SHANK2: variants seen among roughly 807,000 people sequenced by gnomAD.
SHANK2 encodes the protein SH3 and multiple ankyrin repeat domains protein 2.
A neutral mutation model predicts 133.7 loss-of-function variants in SHANK2; 43 were observed. The ratio of observed to expected loss-of-function variants is 0.32; its 90% CI spans 0.25 to 0.41. The LOEUF is 0.41. SHANK2 is among the 10% of genes least tolerant of loss of function. The pLI is 1.00. For synonymous variants in SHANK2, 1,017 were observed against 952.8 expected (o/e 1.07, Z -1.24); for missense variants, 1,994 against 2,235.8 (o/e 0.89, Z 2.18).
At chr11:71,197,152 G>C (rs1358076860) in intron 2 of SHANK2, among the ~76,000 whole-genome samples, 1 of 152,188 alleles carries the variant, frequency 6.6e-6, no homozygotes, top group African/African-American at 2.4e-5. Context: ...TGTCCTGGGA[G>C]TCAAAGCAGA....
At chr11:70,849,403 G>A (rs1448922858) in intron 11 of SHANK2, among the ~76,000 whole-genome samples, 1 of 152,148 alleles carries the variant, frequency 6.6e-6, no homozygotes, top group African/African-American at 2.4e-5. Flanking sequence ...TTCTGTCTAC[G>A]GGTGCACAAA....
At chr11:70,530,127 C>T (rs367757179) in intron 17 of SHANK2, among the ~76,000 whole-genome samples, 16 of 152,310 alleles carry the variant, frequency 1.1e-4, no homozygotes, top group African/African-American at 3.1e-4. Flanking sequence ...GCAGCGTCAT[C>T]GCAATAACCA....
intron 2 of SHANK2, among the ~76,000 whole-genome samples, chr11:71,166,693 G>A (rs1953158345): frequency 6.6e-6 from 1 of 151,552 alleles, no homozygotes; most frequent in South Asian, 2.1e-4. Flanking sequence ...ATGTTGGCCA[G>A]GCTGGTTATG....
chr11:70,815,237 C>T (rs947273945), intron 12 of SHANK2, among the ~76,000 whole-genome samples: 5 of 124,146 alleles, frequency 4.0e-5, no homozygotes, highest in Admixed American at 8.5e-5. Flanking sequence ...CACACACACA[C>T]GAAAATGAGA....
chr11:70,550,981 A>G (rs11236606), intron 17 of SHANK2, among the ~76,000 whole-genome samples: 120,388 of 151,888 alleles, frequency 0.79, 48,131 homozygotes, highest in Middle Eastern at 0.89. Flanking sequence ...AACGCTCTCC[A>G]GGAAGGTCCA....
At chr11:70,910,246 C>T (rs1009246928) in intron 10 of SHANK2, among the ~76,000 whole-genome samples, 1 of 152,214 alleles carries the variant, frequency 6.6e-6, no homozygotes, top group South Asian at 2.1e-4. Flanking sequence ...CAACCCAGAA[C>T]AACTTGCTTA....
In SHANK2 at chr11:71,125,683, T is replaced by A. The variant is rs1436063514; in HGVS notation, c.208-6651A>T. On this transcript the variant is annotated intron_variant, in intron 3 of 25. Transcript: ENST00000601538. ...AAGCTGCAGCAAGTTCTCCAGAAGA[T>A]CTCGCTCAGATCATTGATGAAGGCG... is the stretch of plus-strand genomic sequence containing the variant. Among the ~76,000 whole-genome samples, 3 of 152,198 alleles carry A rather than the reference T, an allele frequency of 2.0e-5. No homozygotes were observed. In the East Asian group the frequency reaches 5.8e-4, roughly 29 times the overall value.
intron 10 of SHANK2, among the ~76,000 whole-genome samples, chr11:71,055,921 A>C (rs1187222617): frequency 1.3e-5 from 2 of 151,458 alleles, no homozygotes; most frequent in African/African-American, 4.9e-5. Context: ...ATGCCACCAA[A>C]GTGTACACTT....
intron 14 of SHANK2, among the ~76,000 whole-genome samples, chr11:70,767,554 A>G (rs1157079357): frequency 2.6e-5 from 4 of 152,198 alleles, no homozygotes; most frequent in Non-Finnish European, 4.4e-5. Context: ...CCACAACGCC[A>G]CAATGTGGAC....
intron 10 of SHANK2, among the ~76,000 whole-genome samples, chr11:70,909,388 A>G (rs781756014): frequency 7.4e-4 from 112 of 152,176 alleles, no homozygotes; most frequent in Non-Finnish European, 1.4e-3. Context: ...GGGATTACAG[A>G]TGTTGCTAGG....
chr11:70,491,943 A>G (rs1374410467), intron 22 of SHANK2, among the ~76,000 whole-genome samples: 1 of 152,196 alleles, frequency 6.6e-6, no homozygotes, highest in South Asian at 2.1e-4. Flanking sequence ...GGACTGCCAC[A>G]TGGGATGTGG....
chr11:70,579,688 G>A (rs1450568147), intron 17 of SHANK2, among the ~76,000 whole-genome samples: 1 of 152,250 alleles, frequency 6.6e-6, no homozygotes, highest in Non-Finnish European at 1.5e-5. Flanking sequence ...GCAAAGCCAC[G>A]GCTGCAAGAT....
intron 25 of SHANK2, chr11:70,477,349 CCTG>C (rs782515393): frequency 2.6e-5 from 4 of 152,230 alleles, no homozygotes; most frequent in Non-Finnish European, 5.9e-5. Context: ...GTCCCTTCGG[CCTG>C]CCACAGCCTG....
intron 2 of SHANK2, among the ~76,000 whole-genome samples, chr11:71,171,631 T>G (rs888781233): frequency 6.6e-6 from 1 of 152,154 alleles, no homozygotes; most frequent in African/African-American, 2.4e-5. Context: ...GCATATTGGA[T>G]GGGCCCACCC....
intron 11 of SHANK2, among the ~76,000 whole-genome samples, chr11:70,886,328 A>G (rs1324028608): frequency 6.6e-6 from 1 of 152,216 alleles, no homozygotes; most frequent in African/African-American, 2.4e-5. Context: ...CTGCTGCAGA[A>G]CGCTAAGTAA....
chr11:70,611,333 C>T (rs782694693), intron 17 of SHANK2, among the ~76,000 whole-genome samples: 2 of 152,172 alleles, frequency 1.3e-5, no homozygotes, highest in Admixed American at 6.5e-5. Flanking sequence ...GATGGTGAGG[C>T]GGGGCCAGCA....
intron 10 of SHANK2, among the ~76,000 whole-genome samples, chr11:70,898,444 G>A (rs1949973760): frequency 6.6e-6 from 1 of 152,066 alleles, no homozygotes; most frequent in South Asian, 2.1e-4. Context: ...GAGTTTTGAG[G>A]TGCATGCTAG....
intron 1 of SHANK2, among the ~76,000 whole-genome samples, chr11:71,233,463 G>C (rs1227686097): frequency 2.0e-5 from 3 of 152,122 alleles, no homozygotes; most frequent in African/African-American, 7.2e-5. Context: ...CCAGGGGCTG[G>C]GAAGAGGAGG....
chr11:71,094,766 C>T, intron 6 of SHANK2, 78 bp from the exon 7 acceptor site: 1 of 1,445,556 alleles, frequency 6.9e-7, no homozygotes, highest in Non-Finnish European at 9.4e-7. Flanking sequence ...ATGCCCAAAA[C>T]TAAGCTGAAA....
Sources: gnomAD v4.1 joint callset for allele counts (sites outside exome capture counted in the v4.1 genomes callset) on GRCh38, gnomAD v4.1.1 for gene constraint, MANE v1.5 for transcripts, NCBI Gene and HGNC (gene_info 2026-07-23, HGNC 2026-07-21) for gene names.